The following FARSB variants were observed in gnomAD, a reference collection of about 807,000 sequenced individuals.
FARSB encodes phenylalanyl-tRNA synthetase subunit beta, also known as phenylalanine--tRNA ligase beta subunit.
Under a neutral mutation model 69.6 loss-of-function variants are expected in FARSB, and 40 were observed. The ratio of observed to expected loss-of-function variants is 0.57; its 90% CI spans 0.45 to 0.75. The LOEUF is 0.75. Among genes scored for constraint, FARSB ranks in the 30% least tolerant of loss-of-function variants. The probability of loss-of-function intolerance (pLI) is 0.00; values close to 1 mark genes in which losing one functional copy is unlikely to be tolerated. For synonymous variants in FARSB, 235 were observed against 247.2 expected, an observed-to-expected ratio of 0.95 and a Z score of 0.46; for missense variants, 632 against 722.9, an observed-to-expected ratio of 0.87 and a Z score of 1.44.
rs947424016 is a variant in FARSB at position 222,571,583 on chromosome 2, C to G, written c.*288G>C. ...GTGATGTTCTGATGTCTGAGGAGCA[C>G]GTCTGCCTTTCAGAACAGATCCTGC... On this transcript the variant is annotated 3_prime_UTR_variant, in exon 17 of 17. Transcript: ENST00000281828. The G allele has an allele frequency of 1.2e-5, 3 of 247,570 alleles. No individual in the cohort carries two copies. Among genetic ancestry groups the G allele is most frequent in the Non-Finnish European group, 2.3e-5 (3 of 130,794 alleles). The allele number at this position is 247,570 out of a possible 1,614,324, so 15.3% of individuals were successfully genotyped here. A position where few individuals can be genotyped will look rare whatever the true frequency, so the allele number is the denominator to read the frequency against.
Position 222,647,081 on chromosome 2 carries a change from T to C in FARSB, c.114+1659A>G, listed in dbSNP as rs147050626. Among the ~76,000 whole-genome samples, 523 of 152,190 alleles carry C rather than the reference T, an allele frequency of 3.4e-3. 1 individual carries two copies. The highest frequency in any genetic ancestry group is 9.7e-3 in the African/African-American group (401 of 41,522). On this transcript the variant is annotated intron_variant, in intron 2 of 16. Transcript: ENST00000281828. ...TCTTCCTCTTGCTTCTTAGCTGGAGTTGCTTAGCAATTTCAGTCAAACTAC... is the reference window on the plus strand; with the variant it reads ...TCTTCCTCTTGCTTCTTAGCTGGAGCTGCTTAGCAATTTCAGTCAAACTAC...
chr2:222,609,290 T>C (rs1235229099), intron 15 of FARSB, among the ~76,000 whole-genome samples: 1 of 152,228 alleles, frequency 6.6e-6, no homozygotes, highest in East Asian at 1.9e-4. Context: ...AGGTCCTTTG[T>C]TCCCCAGAAG....
chr2:222,605,458 A>T (rs898066389), intron 15 of FARSB, among the ~76,000 whole-genome samples: 5 of 152,198 alleles, frequency 3.3e-5, no homozygotes, highest in African/African-American at 1.2e-4. Flanking sequence ...TGGAAGCTTT[A>T]TTTTGGTAAT....
intron 16 of FARSB, among the ~76,000 whole-genome samples, chr2:222,573,269 C>T (rs1210758756): frequency 2.0e-5 from 3 of 151,990 alleles, no homozygotes; most frequent in Non-Finnish European, 2.9e-5. Flanking sequence ...CTTAAGTAAA[C>T]CCAAAGCAAC....
chr2:222,654,254 T>A (rs1403840456), intron 1 of FARSB, among the ~76,000 whole-genome samples: 1 of 152,204 alleles, frequency 6.6e-6, no homozygotes, highest in East Asian at 1.9e-4. Flanking sequence ...GCAGACATGA[T>A]GTCACAAGTG....
rs144812015 is a variant in FARSB, at chr2:222,584,467, G to A, written c.1619-12445C>T. Among the ~76,000 whole-genome samples, 31 of 152,264 alleles carry A rather than the reference G, an allele frequency of 2.0e-4. No individual in the cohort carries two copies. In the East Asian group the frequency reaches 4.3e-3, roughly 21 times the overall value. On this transcript the variant is annotated intron_variant, in intron 16 of 16. Coordinates refer to ENST00000281828, the MANE Select transcript of FARSB (RefSeq NM_005687.5). Reference sequence around the variant, plus strand: ...GGTGATTTCTGCATTTCCAACTGAGGTACCAGGTTCATCTCACTGGAACTT... The same window carrying A: ...GGTGATTTCTGCATTTCCAACTGAGATACCAGGTTCATCTCACTGGAACTT...
chr2:222,646,982 A>G (rs1346530969), intron 2 of FARSB, among the ~76,000 whole-genome samples: 1 of 152,182 alleles, frequency 6.6e-6, no homozygotes, highest in African/African-American at 2.4e-5. Context: ...TTGGACATAA[A>G]AGCTCTAGGT....
rs1690520244 is a variant in FARSB, at chr2:222,600,016, G to T, written c.1530C>A (p.Ile510=). The T allele has an allele frequency of 6.2e-7, 1 of 1,611,994 alleles. No homozygotes were observed. The highest frequency in any genetic ancestry group is 8.5e-7 in the Non-Finnish European group (1 of 1,179,412). Residue 510 remains isoleucine, a synonymous_variant, in exon 16 of 17, where the codon ATC becomes ATA. Coordinates refer to ENST00000281828, the MANE Select transcript of FARSB (RefSeq NM_005687.5). The part of the protein sequence containing the change: ...VYYNKNPGFE[I]IHGLLDRIMQ... ...TAATTCTGTCCAGCAGCCCATGAATGATCTCAAACCCAGGATTCTTGTTGT... is the reference window on the plus strand; with the variant it reads ...TAATTCTGTCCAGCAGCCCATGAATTATCTCAAACCCAGGATTCTTGTTGT...
At chr2:222,590,096 C>CA (rs1279817091) in intron 16 of FARSB, among the ~76,000 whole-genome samples, 6 of 152,088 alleles carry the variant, frequency 3.9e-5, no homozygotes, top group Non-Finnish European at 4.4e-5. Context: ...TTCACAATAG[C>CA]AAAGACTTGG....
intron 14 of FARSB, among the ~76,000 whole-genome samples, chr2:222,616,201 G>A (rs1179965802): frequency 6.6e-6 from 1 of 152,132 alleles, no homozygotes; most frequent in East Asian, 1.9e-4. Flanking sequence ...GGAAGGATGA[G>A]AGGTGCAAGT....
chr2:222,571,594 C>G lies in FARSB; in HGVS notation c.*277G>C. ...ATGTCTGAGGAGCACGTCTGCCTTT[C>G]AGAACAGATCCTGCACTCTGCTAGT... On this transcript the variant is annotated 3_prime_UTR_variant, in exon 17 of 17. Coordinates refer to ENST00000281828, the MANE Select transcript of FARSB (RefSeq NM_005687.5). 1 of 276,962 alleles carries G rather than the reference C, an allele frequency of 3.6e-6. No individual in the cohort carries two copies. The highest frequency in any genetic ancestry group is 6.7e-6 in the Non-Finnish European group (1 of 149,214). 17.2% of individuals were successfully genotyped at this position (276,962 alleles called of 1,614,324 possible).
chr2:222,647,893 T>C lies in FARSB; in HGVS notation c.114+847A>G, dbSNP rs1291694750. Among the ~76,000 whole-genome samples, 5 of 152,176 alleles carry C rather than the reference T, an allele frequency of 3.3e-5. No individual in the cohort carries two copies. The East Asian group carries it at 9.7e-4, about 29-fold the overall frequency. ...AACATGGTAAAACCTCGTCTCTCCT[T>C]GCATTATAATCACCTGGAGGGCTTG... On this transcript the variant is annotated intron_variant, in intron 2 of 16. Coordinates refer to ENST00000281828, the MANE Select transcript of FARSB (RefSeq NM_005687.5).
chr2:222,574,885 G>T (rs1018043910), intron 16 of FARSB, among the ~76,000 whole-genome samples: 1 of 152,176 alleles, frequency 6.6e-6, no homozygotes, highest in Non-Finnish European at 1.5e-5. Flanking sequence ...ACAACAGAGA[G>T]AACCTAAAAA....
intron 15 of FARSB, among the ~76,000 whole-genome samples, chr2:222,604,458 C>T (rs940221846): frequency 6.6e-6 from 1 of 152,172 alleles, no homozygotes; most frequent in Non-Finnish European, 1.5e-5. Flanking sequence ...TTTAACATTT[C>T]TCAGTACACA....
At chr2:222,603,540 C>T (rs1246429459) in intron 15 of FARSB, among the ~76,000 whole-genome samples, 5 of 151,254 alleles carry the variant, frequency 3.3e-5, no homozygotes, top group Admixed American at 1.3e-4. Flanking sequence ...CTCAAGACAA[C>T]CATGCAAAGT....
chr2:222,634,318 A>T, intron 6 of FARSB, 73 bp downstream of exon 6: 2 of 1,027,108 alleles, frequency 1.9e-6, no homozygotes, highest in Non-Finnish European at 2.8e-6. Flanking sequence ...ACATTTCCCT[A>T]GTTGCAAGGC....
At chr2:222,586,114 G>C (rs1312559479) in intron 16 of FARSB, among the ~76,000 whole-genome samples, 1 of 152,150 alleles carries the variant, frequency 6.6e-6, no homozygotes, top group Non-Finnish European at 1.5e-5. Flanking sequence ...CAGCCAGAAA[G>C]GTCCAGTTAC....
chr2:222,636,564 AACATATAT>A (rs1372550876), intron 5 of FARSB, among the ~76,000 whole-genome samples: 1 of 152,114 alleles, frequency 6.6e-6, no homozygotes, highest in East Asian at 1.9e-4. Flanking sequence ...AAAGGTTTAC[AACATATAT>A]ACAGTAAAAA....
chr2:222,607,050 A>G (rs1690719771), intron 15 of FARSB, among the ~76,000 whole-genome samples: 1 of 152,240 alleles, frequency 6.6e-6, no homozygotes. Flanking sequence ...GGAACCCACA[A>G]GACTATAATT....
Sources: allele counts gnomAD v4.1 joint callset (sites outside exome capture counted in the v4.1 genomes callset), GRCh38; gene constraint gnomAD v4.1.1; transcripts MANE v1.5; gene names NCBI Gene and HGNC (gene_info 2026-07-23, HGNC 2026-07-21).